Variants in NSD1 observed in about 807,000 individuals in gnomAD.
NSD1 encodes the protein histone-lysine N-methyltransferase, H3 lysine-36 specific.
In NSD1, 26 loss-of-function variants were observed where a neutral mutation model predicts 242.7. That is an observed-to-expected ratio of 0.11 (90% CI 0.08 to 0.15). NSD1 has a LOEUF of 0.15. Among genes scored for constraint, NSD1 ranks in the 10% least tolerant of loss-of-function variants. The pLI is 1.00. For missense variants in NSD1, 2,495 were observed against 3,272.8 expected (o/e 0.76, Z 5.80); for synonymous variants, 1,106 against 1,178.1 (o/e 0.94, Z 1.25).
At position 177,167,551 on chromosome 5, in the gene NSD1, T is replaced by C. The variant is rs570950565; in HGVS notation, c.928-24333T>C. On this transcript the variant is annotated intron_variant, in intron 2 of 22. Coordinates refer to ENST00000439151, the MANE Select transcript of NSD1 (RefSeq NM_022455.5). ...ACTCTATCTCAAAAAAAAAAAAATATATTTGTGAGGCTTTATTTCTGAAGT... is the reference window on the plus strand; with the variant it reads ...ACTCTATCTCAAAAAAAAAAAAATACATTTGTGAGGCTTTATTTCTGAAGT... Among the ~76,000 whole-genome samples the C allele has an allele frequency of 1.3e-4, 19 of 151,630 alleles. No homozygotes were observed. The South Asian group carries it at 3.3e-3, about 27-fold the overall frequency.
At chr5:177,215,331 C>T (rs1378339559) in intron 5 of NSD1, among the ~76,000 whole-genome samples, 2 of 151,432 alleles carry the variant, frequency 1.3e-5, no homozygotes, top group African/African-American at 2.4e-5. Flanking sequence ...CATATACCAC[C>T]ACGCCTAGCT....
At chr5:177,272,144 C>G (rs1204721237) in intron 16 of NSD1, among the ~76,000 whole-genome samples, 3 of 149,864 alleles carry the variant, frequency 2.0e-5, no homozygotes, top group African/African-American at 7.4e-5. Context: ...GCCCCACCAC[C>G]ATCACCACCA....
intron 2 of NSD1, among the ~76,000 whole-genome samples, chr5:177,179,965 G>A (rs1054646649): frequency 6.6e-6 from 1 of 151,824 alleles, no homozygotes; most frequent in African/African-American, 2.4e-5. Context: ...CAGTGGTGTG[G>A]TCTGGGCTGA....
chr5:177,154,748 T>C (rs1358050220), intron 2 of NSD1, among the ~76,000 whole-genome samples: 2 of 152,170 alleles, frequency 1.3e-5, no homozygotes, highest in African/African-American at 4.8e-5. Context: ...CCAGCTGGAA[T>C]GCAATGGTGC....
At chr5:177,175,514 G>C (rs1760119340) in intron 2 of NSD1, among the ~76,000 whole-genome samples, 1 of 151,988 alleles carries the variant, frequency 6.6e-6, no homozygotes, top group Non-Finnish European at 1.5e-5. Context: ...ATTAGTCCCA[G>C]CGACTTGGTG....
At chr5:177,223,932 G>A (rs1049408196) in intron 5 of NSD1, among the ~76,000 whole-genome samples, 2 of 152,332 alleles carry the variant, frequency 1.3e-5, no homozygotes, top group Middle Eastern at 6.8e-3. Context: ...GTTACAATGA[G>A]CTGAGATCAT....
chr5:177,181,730 T>G (rs1053518059), intron 2 of NSD1, among the ~76,000 whole-genome samples: 1 of 151,656 alleles, frequency 6.6e-6, no homozygotes, highest in African/African-American at 2.4e-5. Context: ...TTGGCTGCAT[T>G]GTGGTCTTAC....
chr5:177,264,697 C>T, intron 14 of NSD1: 2 of 573,682 alleles, frequency 3.5e-6, no homozygotes, highest in South Asian at 1.7e-5. Flanking sequence ...ATTTTAAGAG[C>T]TTGTTGAAGA....
At chr5:177,163,859 A>G (rs1758953197) in intron 2 of NSD1, among the ~76,000 whole-genome samples, 1 of 152,234 alleles carries the variant, frequency 6.6e-6, no homozygotes, top group African/African-American at 2.4e-5. Flanking sequence ...AACTAAGGTC[A>G]TCTGCTTTCA....
intron 3 of NSD1, among the ~76,000 whole-genome samples, chr5:177,203,020 TTTTTTCA>T (rs1350512327): frequency 1.3e-5 from 2 of 152,218 alleles, no homozygotes; most frequent in African/African-American, 4.8e-5. Context: ...TTTGTCTTTC[TTTTTTCA>T]TTTTTCATTT....
chr5:177,294,224 A>G lies in NSD1; in HGVS notation c.6856A>G (p.Thr2286Ala), dbSNP rs551817517. The change falls in exon 23 of 23, where the codon ACT becomes GCT. Residue 2286 changes from threonine to alanine, a missense_variant. By Grantham distance (58) the Thr-to-Ala change is moderately conservative (BLOSUM62 0). Coordinates refer to ENST00000439151, the MANE Select transcript of NSD1 (RefSeq NM_022455.5). ...GCTACCTGAAAGACCTCTTGAGAGAACTGACTCCAGGCCCCAGCCTTTAGA... is the reference window on the plus strand; with the variant it reads ...GCTACCTGAAAGACCTCTTGAGAGAGCTGACTCCAGGCCCCAGCCTTTAGA... ...PLLPERPLER[T>A]DSRPQPLDKV... is the part of the protein sequence containing the mutation. 6.2e-7 allele frequency: 1 copy of G among 1,613,450 alleles called. No individual in the cohort carries two copies. Among genetic ancestry groups the G allele is most frequent in the South Asian group, 1.1e-5 (1 of 91,012 alleles).
chr5:177,290,408 AT>A (rs573014778), intron 21 of NSD1, among the ~76,000 whole-genome samples: 9,970 of 139,194 alleles, frequency 0.072, 332 homozygotes, highest in African/African-American at 0.13. Flanking sequence ...GAGTAAATAA[AT>A]TTTTTTTTTT....
rs764802245 is a variant in NSD1, at chr5:177,212,176, G to C, written c.3777G>C (p.Gln1259His). 5.6e-6 allele frequency: 9 copies of C among 1,613,696 alleles called. No homozygotes were observed. Among genetic ancestry groups the C allele is most frequent in the Middle Eastern group, 3.3e-4 (2 of 6,082 alleles). The change falls in exon 5 of 23, where the codon CAG becomes CAC. Residue 1259 changes from glutamine to histidine, a missense_variant. Gln to His is a conservative substitution (Grantham distance 24). Coordinates refer to ENST00000439151, the MANE Select transcript of NSD1 (RefSeq NM_022455.5). ...KEPGIPSLTP[Q>H]AELPEPAVRS... is the part of the protein sequence containing the mutation. ...CAGGAATTCCCAGTTTGACACCACA[G>C]GCTGAGCTCCCTGAACCAGGTAAGG... is the stretch of plus-strand genomic sequence containing the variant.
At chr5:177,280,984 T>C (rs1022219388) in intron 18 of NSD1, 150 bp downstream of exon 18, 4 of 905,620 alleles carry the variant, frequency 4.4e-6, no homozygotes, top group South Asian at 1.7e-5. Context: ...TTCTACCGTT[T>C]AGAGGCTTAC....
At chr5:177,262,016 A>C (rs1301323748) in intron 14 of NSD1, among the ~76,000 whole-genome samples, 1 of 152,196 alleles carries the variant, frequency 6.6e-6, no homozygotes, top group East Asian at 1.9e-4. Flanking sequence ...TTGCTTTACC[A>C]AGGCTTGGTT....
chr5:177,181,425 T>TC (rs1415591542), intron 2 of NSD1, among the ~76,000 whole-genome samples: 2,287 of 128,514 alleles, frequency 0.018, 29 homozygotes, highest in Non-Finnish European at 0.027. Context: ...GGTTTTTTTT[T>TC]GGTTTTTTTT....
rs971137748 is a variant in NSD1, at chr5:177,295,422, C to A, written c.8054C>A (p.Pro2685His). 2 of 1,614,196 alleles carry A rather than the reference C, an allele frequency of 1.2e-6. No homozygotes were observed. The highest frequency in any genetic ancestry group is 2.7e-5 in the African/African-American group (2 of 75,060). The change falls in exon 23 of 23, where the codon CCT becomes CAT. Residue 2685 changes from proline to histidine, a missense_variant. Transcript: ENST00000439151. This position sits in a 1 kb window ranked among gnomAD's most constrained non-coding sequence, Gnocchi z 4.3. ...QNTLPALNQA[P>H]SSHKCAESEQ... ...ACACTTCCAGCTCTTAACCAGGCTC[C>A]TTCCAGTCACAAGTGTGCAGAATCA...
rs6890368 is a variant in NSD1, at chr5:177,256,793, A to G, written c.4766-158A>G. Among the ~76,000 whole-genome samples, 12,815 of 152,160 alleles carry G rather than the reference A, an allele frequency of 0.084. 1,172 individuals are homozygous for G. Among genetic ancestry groups the G allele is most frequent in the African/African-American group, 0.23 (9,595 of 41,472 alleles). ...CACGTCAGGGAGTATCTATTACCAG[A>G]TTGTTCATTTATAATAATACTAAGA... On this transcript the variant is annotated intron_variant, in intron 12 of 22. Transcript: ENST00000439151.
Position 177,239,799 on chromosome 5 carries a change from T to G in NSD1, c.4236T>G (p.Leu1412=). ...GTCAAAGAAAACCAACTAAGAAACT[T>G]CTTGAATCCAATGATTTAGACCCTG... ...SKRQRKPTKK[L]LESNDLDPGF... Residue 1412 remains leucine, a synonymous_variant, in exon 8 of 23, where the codon CTT becomes CTG. Transcript: ENST00000439151. The G allele has an allele frequency of 6.2e-7, 1 of 1,613,240 alleles. No homozygotes were observed. Among genetic ancestry groups the G allele is most frequent in the South Asian group, 1.1e-5 (1 of 91,030 alleles).
Sources: allele counts gnomAD v4.1 joint callset (sites outside exome capture counted in the v4.1 genomes callset), GRCh38; gene constraint gnomAD v4.1.1; non-coding constraint Gnocchi (gnomAD v3.1); transcripts MANE v1.5; gene names NCBI Gene and HGNC (gene_info 2026-07-23, HGNC 2026-07-21).